The following ZFHX3 variants were observed in gnomAD, a reference collection of about 807,000 sequenced individuals.
ZFHX3 encodes the protein zinc finger homeobox 3.
ZFHX3 carries 42 observed loss-of-function variants against 279.1 expected under a neutral mutation model. The observed-to-expected ratio is 0.15, with a 90% CI of 0.12 to 0.19. ZFHX3 has a LOEUF of 0.19. ZFHX3 is among the 10% of genes least tolerant of loss of function. The pLI, the probability that ZFHX3 is intolerant of heterozygous loss-of-function variation, is 1.00. For synonymous variants in ZFHX3, 2,293 were observed against 1,957.8 expected, an observed-to-expected ratio of 1.17 and a Z score of -4.52; for missense variants, 4,981 against 4,754.0, an observed-to-expected ratio of 1.05 and a Z score of -1.40.
intron 5 of ZFHX3, among the ~76,000 whole-genome samples, chr16:73,182,035 T>C (rs993412914): frequency 2.6e-5 from 4 of 152,186 alleles, no homozygotes; most frequent in African/African-American, 7.2e-5. Context: ...GGGCAGCTTG[T>C]TTCATATGAT....
At chr16:73,026,916 C>T (rs1349452642) in intron 1 of ZFHX3, among the ~76,000 whole-genome samples, 1 of 152,140 alleles carries the variant, frequency 6.6e-6, no homozygotes, top group Non-Finnish European at 1.5e-5. Context: ...GAGCTAGAGC[C>T]TAGACTAGGG....
At chr16:73,353,901 G>A (rs544632956) in intron 3 of ZFHX3, among the ~76,000 whole-genome samples, 2 of 152,276 alleles carry the variant, frequency 1.3e-5, no homozygotes, top group East Asian at 3.9e-4. Flanking sequence ...TTTATGGAGA[G>A]CATAAAATAC....
Position 72,947,900 on chromosome 16 carries a change from C to T in ZFHX3, c.3216+2569G>A, listed in dbSNP as rs1210728072. ...CATTAGCAAGAGGAAAAATAACATG[C>T]AATCAATCTCCATTTACTACAGGCC... On this transcript the variant is annotated intron_variant, in intron 3 of 9. Coordinates refer to ENST00000268489, the MANE Select transcript of ZFHX3 (RefSeq NM_006885.4). Among the ~76,000 whole-genome samples, 4 of 152,194 alleles carry T rather than the reference C, an allele frequency of 2.6e-5. No homozygotes were observed. The East Asian group carries it at 7.7e-4, about 29-fold the overall frequency.
chr16:73,667,398 G>A (rs1056409524), intron 2 of ZFHX3, among the ~76,000 whole-genome samples: 17 of 152,338 alleles, frequency 1.1e-4, no homozygotes, highest in African/African-American at 3.6e-4. Flanking sequence ...GCTTTTGTGT[G>A]AACATAAGTT....
intron 1 of ZFHX3, among the ~76,000 whole-genome samples, chr16:72,983,718 A>AG (rs1247182037): frequency 9.9e-5 from 15 of 151,190 alleles, no homozygotes; most frequent in East Asian, 9.7e-4. Flanking sequence ...GAAAAAAAAA[A>AG]AGAGAGAGAG....
intron 3 of ZFHX3, among the ~76,000 whole-genome samples, chr16:72,893,436 G>T (rs1350960303): frequency 1.3e-5 from 2 of 152,230 alleles, no homozygotes; most frequent in East Asian, 3.8e-4. Flanking sequence ...ATGGCCAGAA[G>T]AGTTGGATGG....
intron 3 of ZFHX3, among the ~76,000 whole-genome samples, chr16:73,334,695 C>T (rs562830800): frequency 6.6e-6 from 1 of 151,918 alleles, no homozygotes; most frequent in Admixed American, 6.6e-5. Flanking sequence ...ACGCTCGGGG[C>T]AAGTGGAAGC....
chr16:73,630,997 G>T (rs1298905253), intron 2 of ZFHX3, among the ~76,000 whole-genome samples: 1 of 150,486 alleles, frequency 6.6e-6, no homozygotes, highest in Non-Finnish European at 1.5e-5. Context: ...TGACTTAAAA[G>T]TGATGTTCGC....
chr16:73,035,279 T>C (rs1185683180), intron 1 of ZFHX3, among the ~76,000 whole-genome samples: 3 of 152,254 alleles, frequency 2.0e-5, no homozygotes, highest in African/African-American at 7.2e-5. Context: ...TGTTTCTCAT[T>C]GTTTAATGTG....
At chr16:73,332,881 G>A (rs531192900) in intron 3 of ZFHX3, among the ~76,000 whole-genome samples, 2 of 152,284 alleles carry the variant, frequency 1.3e-5, no homozygotes, top group Middle Eastern at 3.4e-3. Context: ...TGATTTTCTA[G>A]AGGCCAAATT....
At chr16:73,093,202 G>A (rs771607001) in intron 8 of ZFHX3, 6 of 519,682 alleles carry the variant, frequency 1.2e-5, no homozygotes, top group Non-Finnish European at 1.9e-5. Context: ...ACGACCACGC[G>A]CATGCAGAGG....
chr16:73,564,200 T>A (rs2020417064), intron 2 of ZFHX3, among the ~76,000 whole-genome samples: 1 of 152,272 alleles, frequency 6.6e-6, no homozygotes, highest in South Asian at 2.1e-4. Context: ...CCTCTCCCTA[T>A]CCTGAGTTTG....
chr16:73,623,301 A>C (rs9930878), intron 2 of ZFHX3, among the ~76,000 whole-genome samples: 1 of 152,140 alleles, frequency 6.6e-6, no homozygotes, highest in African/African-American at 2.4e-5. Context: ...CTCCCAAAGC[A>C]CTGGGATTAC....
chr16:73,783,746 C>A (rs908347717), intron 1 of ZFHX3, among the ~76,000 whole-genome samples: 1 of 152,154 alleles, frequency 6.6e-6, no homozygotes, highest in Non-Finnish European at 1.5e-5. Flanking sequence ...TTAATCTTTG[C>A]AACAATCTGA....
intron 2 of ZFHX3, among the ~76,000 whole-genome samples, chr16:73,638,242 A>T (rs2142153775): frequency 6.6e-6 from 1 of 152,330 alleles, no homozygotes; most frequent in South Asian, 2.1e-4. Flanking sequence ...TTGTTCTCAA[A>T]TTGGAAATTA....
chr16:73,053,459 G>A (rs1409210346), intron 1 of ZFHX3, among the ~76,000 whole-genome samples: 2 of 151,984 alleles, frequency 1.3e-5, no homozygotes, highest in East Asian at 1.9e-4. Context: ...TCTCCGAGTC[G>A]TCATTACAAG....
chr16:73,357,568 G>A lies in ZFHX3; in HGVS notation c.-1290-39232C>T, dbSNP rs565742870. On this transcript the variant is annotated intron_variant, in intron 3 of 17. Coordinates refer to the ZFHX3 transcript ENST00000641206. ...AGATGAGCTACTTCAATGTCACTGT[G>A]GTTTTGCCAGAAAACCAGAGGGCTT... 2.0e-5 allele frequency among the ~76,000 whole-genome samples: 3 copies of A among 152,234 alleles called. No individual in the cohort carries two copies. The South Asian group carries it at 6.2e-4, about 32-fold the overall frequency.
chr16:73,381,558 AGT>A (rs2016817996), intron 3 of ZFHX3, among the ~76,000 whole-genome samples: 1 of 152,180 alleles, frequency 6.6e-6, no homozygotes, highest in Non-Finnish European at 1.5e-5. Flanking sequence ...CAGGGCAGAA[AGT>A]GATTTATTTT....
intron 1 of ZFHX3, among the ~76,000 whole-genome samples, chr16:72,968,860 T>C (rs1961971883): frequency 6.6e-6 from 1 of 152,196 alleles, no homozygotes; most frequent in African/African-American, 2.4e-5. Context: ...AGGGGCACAA[T>C]GCCTCGATTT....
Sources: gnomAD v4.1 joint callset for allele counts (sites outside exome capture counted in the v4.1 genomes callset) on GRCh38, gnomAD v4.1.1 for gene constraint, MANE v1.5 for transcripts, NCBI Gene and HGNC (gene_info 2026-07-23, HGNC 2026-07-21) for gene names.